Variants in RBFOX1 observed in about 807,000 individuals in gnomAD.
The protein encoded by RBFOX1 is RNA binding fox-1 homolog 1.
A neutral mutation model predicts 57.7 loss-of-function variants in RBFOX1; 8 were observed. The ratio of observed to expected loss-of-function variants is 0.14; its 90% confidence interval spans 0.08 to 0.25. The LOEUF (loss-of-function observed/expected upper bound fraction) is 0.25. Ranked by LOEUF, RBFOX1 falls within the 10% of genes least tolerant of loss-of-function variation. RBFOX1 has a pLI of 1.00. For synonymous variants in RBFOX1, 326 were observed against 222.4 expected, an observed-to-expected ratio of 1.47 and a Z score of -4.15; for missense variants, 611 against 548.5, an observed-to-expected ratio of 1.11 and a Z score of -1.14.
At chr16:6,973,933 C>G (rs1298163928) in intron 3 of RBFOX1, among the ~76,000 whole-genome samples, 1 of 152,158 alleles carries the variant, frequency 6.6e-6, no homozygotes, top group Non-Finnish European at 1.5e-5. Context: ...CTCGTCCCCT[C>G]CATCTCCCAG....
chr16:5,748,242 G>C (rs1337886704), intron 3 of RBFOX1, among the ~76,000 whole-genome samples: 1 of 152,096 alleles, frequency 6.6e-6, no homozygotes, highest in African/African-American at 2.4e-5. Flanking sequence ...CTGAGAGACA[G>C]TTTGTTATAA....
At chr16:6,437,360 T>C (rs1358138002) in intron 2 of RBFOX1, among the ~76,000 whole-genome samples, 2 of 152,252 alleles carry the variant, frequency 1.3e-5, no homozygotes, top group African/African-American at 4.8e-5. Context: ...TATTTCTGTT[T>C]AACTCCTTTT....
At chr16:6,728,937 A>G (rs2067885284) in intron 3 of RBFOX1, among the ~76,000 whole-genome samples, 1 of 152,172 alleles carries the variant, frequency 6.6e-6, no homozygotes, top group South Asian at 2.1e-4. Context: ...GCACACGTAT[A>G]TTTGTATACA....
At chr16:7,385,942 A>G (rs78900911) in intron 4 of RBFOX1, among the ~76,000 whole-genome samples, 9,762 of 148,080 alleles carry the variant, frequency 0.066, 411 homozygotes, top group East Asian at 0.2. Flanking sequence ...TTATTTATTT[A>G]TTTATTTATT....
At chr16:7,438,347 T>C (rs1349320055) in intron 4 of RBFOX1, among the ~76,000 whole-genome samples, 1 of 152,038 alleles carries the variant, frequency 6.6e-6, no homozygotes, top group Non-Finnish European at 1.5e-5. Flanking sequence ...TGTCAGTCCA[T>C]GGTTTGGGTC....
intron 14 of RBFOX1, among the ~76,000 whole-genome samples, chr16:7,705,508 A>C (rs968163432): frequency 6.6e-6 from 1 of 152,184 alleles, no homozygotes; most frequent in Admixed American, 6.6e-5. Context: ...AACTCAAAAA[A>C]ATATTAAATT....
At chr16:6,750,386 G>T (rs1484881345) in intron 3 of RBFOX1, among the ~76,000 whole-genome samples, 1 of 152,164 alleles carries the variant, frequency 6.6e-6, no homozygotes, top group Non-Finnish European at 1.5e-5. Flanking sequence ...TTGCAACTGG[G>T]CTTAAAATAG....
At chr16:5,629,271 A>C (rs1183133296) in intron 3 of RBFOX1, among the ~76,000 whole-genome samples, 2 of 152,200 alleles carry the variant, frequency 1.3e-5, no homozygotes, top group Non-Finnish European at 2.9e-5. Context: ...AGGATGTACC[A>C]GTATGATGTT....
chr16:7,232,383 A>G (rs952539106), intron 4 of RBFOX1, among the ~76,000 whole-genome samples: 5 of 152,162 alleles, frequency 3.3e-5, no homozygotes, highest in Non-Finnish European at 5.9e-5. Context: ...AAAGATGCCT[A>G]TGTCTTTAGG....
chr16:6,658,679 C>T (rs1469192780), intron 3 of RBFOX1, among the ~76,000 whole-genome samples: 3 of 152,114 alleles, frequency 2.0e-5, no homozygotes, highest in Admixed American at 1.3e-4. Flanking sequence ...AACTAATTGC[C>T]ATTTGGAAAA....
intron 3 of RBFOX1, among the ~76,000 whole-genome samples, chr16:5,794,345 C>A (rs1797556598): frequency 2.0e-5 from 3 of 151,916 alleles, no homozygotes; most frequent in Admixed American, 2.0e-4. Flanking sequence ...TTTACTAATT[C>A]CTCGTCCTCT....
intron 5 of RBFOX1, among the ~76,000 whole-genome samples, chr16:7,543,537 A>G (rs1246651806): frequency 1.3e-5 from 2 of 152,106 alleles, no homozygotes; most frequent in Non-Finnish European, 2.9e-5. Context: ...AGAAGTTGAA[A>G]TGTGTGTGTA....
intron 4 of RBFOX1, among the ~76,000 whole-genome samples, chr16:5,892,703 A>G (rs1418490119): frequency 6.6e-6 from 1 of 152,212 alleles, no homozygotes; most frequent in Non-Finnish European, 1.5e-5. Context: ...TTCCTAAGTC[A>G]AGATATGCAG....
At position 5,286,309 on chromosome 16, in the gene RBFOX1, T is replaced by C. The variant is rs375185333; in HGVS notation, c.219+46204T>C. On this transcript the variant is annotated intron_variant, in intron 1 of 2. Transcript: ENST00000585867. ...CTGGGCCAGGTGGGCAGGTGCACCA[T>C]TGGGCTCCTGGGTGGTGTGTGTGGC... Among the ~76,000 whole-genome samples the C allele has an allele frequency of 8.1e-4, 123 of 151,988 alleles. 2 individuals are homozygous for C. The East Asian group carries it at 0.022, about 27-fold the overall frequency.
chr16:6,297,008 A>T (rs761915957), intron 1 of RBFOX1, among the ~76,000 whole-genome samples: 8 of 152,158 alleles, frequency 5.3e-5, no homozygotes, highest in Non-Finnish European at 8.8e-5. Flanking sequence ...TCTTGATGAT[A>T]TGTTAAACAA....
At chr16:6,014,078 G>A (rs906249894), upstream of RBFOX1, among the ~76,000 whole-genome samples, 2 of 152,152 alleles carry the variant, frequency 1.3e-5, no homozygotes, top group East Asian at 1.9e-4. Context: ...AAACCTGCAC[G>A]TTGTGCACAT....
intron 3 of RBFOX1, among the ~76,000 whole-genome samples, chr16:5,753,091 T>C (rs550287589): frequency 1.8e-4 from 27 of 152,020 alleles, no homozygotes; most frequent in African/African-American, 5.8e-4. Flanking sequence ...ACCTAGGAGG[T>C]TGAGACTGCA....
intron 1 of RBFOX1, among the ~76,000 whole-genome samples, chr16:6,164,008 A>T (rs74006906): frequency 0.056 from 8,483 of 152,256 alleles, 800 homozygotes; most frequent in African/African-American, 0.19. Context: ...ACAGAGTTAC[A>T]TTTTTGTGAC....
chr16:5,494,214 C>T (rs975572031), intron 2 of RBFOX1, among the ~76,000 whole-genome samples: 8 of 152,204 alleles, frequency 5.3e-5, no homozygotes, highest in African/African-American at 2.4e-5. Context: ...TATGATGTCT[C>T]CTTGGCGGAT....
Sources: allele counts gnomAD v4.1 joint callset (sites outside exome capture counted in the v4.1 genomes callset), GRCh38; gene constraint gnomAD v4.1.1; transcripts MANE v1.5; gene names NCBI Gene and HGNC (gene_info 2026-07-23, HGNC 2026-07-21).